Variants in MDM4 observed in about 807,000 individuals in gnomAD.
MDM4 encodes protein Mdm4.
MDM4 carries 2 observed loss-of-function variants against 60.2 expected under a neutral mutation model. The observed-to-expected ratio is 0.03, with a 90% CI of 0.01 to 0.10. The LOEUF (loss-of-function observed/expected upper bound fraction) is 0.10. Among genes scored for constraint, MDM4 ranks in the 10% least tolerant of loss-of-function variants. The pLI is 1.00. For synonymous variants in MDM4, 202 were observed against 198.1 expected, an observed-to-expected ratio of 1.02 and a Z score of -0.17; for missense variants, 447 against 577.5, an observed-to-expected ratio of 0.77 and a Z score of 2.32.
intron 9 of MDM4, among the ~76,000 whole-genome samples, 157 bp from the exon 10 acceptor site, chr1:204,546,640 C>T (rs1662690230): frequency 6.6e-6 from 1 of 152,188 alleles, no homozygotes; most frequent in African/African-American, 2.4e-5. Context: ...AGTACAGAAT[C>T]ATGTGTTTGG....
intron 1 of MDM4, among the ~76,000 whole-genome samples, chr1:204,524,381 C>A (rs1659892762): frequency 6.6e-6 from 1 of 152,168 alleles, no homozygotes; most frequent in Non-Finnish European, 1.5e-5. Flanking sequence ...ATTCTAGTCG[C>A]CATTTACCCT....
At chr1:204,549,052 T>C in intron 10 of MDM4, 61 bp from the exon 11 acceptor site, 1 of 1,037,946 alleles carries the variant, frequency 9.6e-7, no homozygotes, top group Non-Finnish European at 1.4e-6. Flanking sequence ...TGACCTCCTT[T>C]CCTTTTTCTC....
Position 204,553,407 on chromosome 1 carries a change from C to T in MDM4, c.*3725C>T, listed in dbSNP as rs1271215770. On this transcript the variant is annotated 3_prime_UTR_variant, in exon 11 of 11. Transcript: ENST00000367182. The stretch of plus-strand genomic sequence containing the variant: ...CAAATTGCTCCCATTTTTCTGCATC[C>T]CACCTGGTTTCTTTCTGCATGTCCC... 6 of 225,786 alleles carry T rather than the reference C, an allele frequency of 2.7e-5. No individual in the cohort carries two copies. The highest frequency in any genetic ancestry group is 5.3e-5 in the Non-Finnish European group (6 of 113,326). The allele number at this position is 225,786 out of a possible 1,614,324, so 14.0% of individuals were successfully genotyped here. A position where few individuals can be genotyped will look rare whatever the true frequency, so the allele number is the denominator to read the frequency against.
intron 10 of MDM4, 135 bp from the exon 11 acceptor site, chr1:204,548,978 T>G: frequency 3.2e-6 from 2 of 619,688 alleles, no homozygotes; most frequent in South Asian, 2.2e-5. Flanking sequence ...GGCTGTAGAA[T>G]TTGCTCAAAT....
In MDM4 at chr1:204,549,448, G is replaced by A. The variant is rs1662997454; in HGVS notation, c.1239G>A (p.Gln413=). ...SQETISSMGE[Q]LDNLSEQRTD... The stretch of plus-strand genomic sequence containing the variant: ...AGACCATCTCAAGCATGGGAGAACA[G>A]TTAGATAACCTTTCTGAACAGAGAA... Residue 413 remains glutamine, a synonymous_variant, in exon 11 of 11, where the codon CAG becomes CAA. Coordinates refer to ENST00000367182, the MANE Select transcript of MDM4 (RefSeq NM_002393.5). The A allele has an allele frequency of 1.2e-6, 2 of 1,612,032 alleles. No individual in the cohort carries two copies. Among genetic ancestry groups the A allele is most frequent in the Non-Finnish European group, 1.7e-6 (2 of 1,179,444 alleles).
At chr1:204,540,774 C>CA (rs1280105512) in intron 7 of MDM4, among the ~76,000 whole-genome samples, 6 of 151,592 alleles carry the variant, frequency 4.0e-5, no homozygotes, top group Middle Eastern at 6.8e-3. Context: ...AAAAAACAAA[C>CA]AAAAAAAACA....
intron 1 of MDM4, among the ~76,000 whole-genome samples, chr1:204,519,657 T>TA (rs1207187553): frequency 2.0e-5 from 3 of 151,362 alleles, no homozygotes; most frequent in African/African-American, 4.9e-5. Context: ...TGGGGAACAT[T>TA]AAAAAAACTA....
intron 3 of MDM4, among the ~76,000 whole-genome samples, chr1:204,526,717 C>G (rs1298903702): frequency 6.6e-6 from 1 of 152,116 alleles, no homozygotes; most frequent in East Asian, 1.9e-4. Context: ...TCCGCCTTGG[C>G]CTCCCAAAGT....
chr1:204,520,636 A>G (rs1659480177), intron 1 of MDM4, among the ~76,000 whole-genome samples: 1 of 152,210 alleles, frequency 6.6e-6, no homozygotes, highest in South Asian at 2.1e-4. Context: ...TGTAATCCCA[A>G]CACTTTCGTT....
chr1:204,539,513 CTTGTTTTTTTTTTTTGTTTTGTT>C (rs1260239480), intron 7 of MDM4, among the ~76,000 whole-genome samples: 4 of 146,336 alleles, frequency 2.7e-5, no homozygotes, highest in African/African-American at 5.0e-5. Context: ...AATCTGAAAA[CTTGTTTTTTTTTTTTGTTTTGTT>C]TTGTTTTTTT....
chr1:204,551,654 A>T lies in MDM4; in HGVS notation c.*1972A>T, dbSNP rs1663218551. On this transcript the variant is annotated 3_prime_UTR_variant, in exon 11 of 11. Transcript: ENST00000367182. ...CATGTATCCTTACCCCCATGGGAAA[A>T]TGTTGGTGTGTTCTCAAGGGTATGC... 4.3e-6 allele frequency: 1 copy of T among 231,084 alleles called. No homozygotes were observed. The highest frequency in any genetic ancestry group is 5.7e-5 in the Admixed American group (1 of 17,676). 14.3% of individuals were successfully genotyped at this position (231,084 alleles called of 1,614,324 possible).
At chr1:204,532,687 C>T (rs548741486) in intron 5 of MDM4, 454 of 1,450,344 alleles carry the variant, frequency 3.1e-4, no homozygotes, top group Non-Finnish European at 4.2e-4. Context: ...CACACATTGC[C>T]TTTGGTTGAT....
chr1:204,541,557 A>G (rs1662086007), intron 7 of MDM4, among the ~76,000 whole-genome samples: 1 of 152,222 alleles, frequency 6.6e-6, no homozygotes, highest in Non-Finnish European at 1.5e-5. Context: ...TGTGATGAAA[A>G]TTTGGGAATA....
In MDM4 at chr1:204,551,980, A is replaced by T. The variant is rs970969404; in HGVS notation, c.*2298A>T. The T allele has an allele frequency of 7.3e-4, 24 of 32,820 alleles. No homozygotes were observed. Among genetic ancestry groups the T allele is most frequent in the African/African-American group, 9.8e-4 (22 of 22,492 alleles). 2.0% of individuals were successfully genotyped at this position (32,820 alleles called of 1,614,324 possible). A position where few individuals can be genotyped will look rare whatever the true frequency, so the allele number is the denominator to read the frequency against. On this transcript the variant is annotated 3_prime_UTR_variant, in exon 11 of 11. Transcript: ENST00000367182. ...TAACACTAACAATAGCTGATGAGCT[A>T]AAAAAAAAAAAAAAAAAAATCGTGG...
intron 1 of MDM4, among the ~76,000 whole-genome samples, chr1:204,523,693 C>G (rs1558310908): frequency 6.6e-6 from 1 of 151,634 alleles, no homozygotes; most frequent in Non-Finnish European, 1.5e-5. Flanking sequence ...GTTGCCTAGT[C>G]TGGCCTCTGT....
chr1:204,532,835 TG>T, intron 5 of MDM4: 14 of 1,610,336 alleles, frequency 8.7e-6, no homozygotes, highest in Non-Finnish European at 1.2e-5. Context: ...CTTGTGATTT[TG>T]TTTAATGTGT....
chr1:204,549,760 A>G lies in MDM4; in HGVS notation c.*78A>G. The stretch of plus-strand genomic sequence containing the variant: ...GAAAATCAATCCTTTATTTAATTTT[A>G]TTTCCAACCTGTCAGAGAATGTTCT... On this transcript the variant is annotated 3_prime_UTR_variant, in exon 11 of 11. Transcript: ENST00000367182. The G allele has an allele frequency of 1.1e-6, 1 of 944,816 alleles. No individual in the cohort carries two copies. Among genetic ancestry groups the G allele is most frequent in the Non-Finnish European group, 1.5e-6 (1 of 647,520 alleles). 58.5% of individuals were successfully genotyped at this position (944,816 alleles called of 1,614,324 possible).
chr1:204,554,399 T>G lies in MDM4; in HGVS notation c.*4717T>G, dbSNP rs16853951. 0.013 allele frequency: 2,927 copies of G among 226,496 alleles called. 88 individuals carry two copies. The highest frequency in any genetic ancestry group is 0.059 in the African/African-American group (2,639 of 45,078). The allele number at this position is 226,496 out of a possible 1,614,324, so 14.0% of individuals were successfully genotyped here. A position where few individuals can be genotyped will look rare whatever the true frequency, so the allele number is the denominator to read the frequency against. Reference sequence around the variant, plus strand: ...CTGATGGTTCTCCCAGTCATGAGTGTGCATGTGTGCAAGCATGTTTTGATC... The same window carrying G: ...CTGATGGTTCTCCCAGTCATGAGTGGGCATGTGTGCAAGCATGTTTTGATC... On this transcript the variant is annotated 3_prime_UTR_variant, in exon 11 of 11. Coordinates refer to ENST00000367182, the MANE Select transcript of MDM4 (RefSeq NM_002393.5).
rs550908463 is a variant in MDM4 at position 204,554,733 on chromosome 1, T to G, written c.*5051T>G. 83 of 226,960 alleles carry G rather than the reference T, an allele frequency of 3.7e-4. No homozygotes were observed. Among genetic ancestry groups the G allele is most frequent in the Non-Finnish European group, 5.6e-4 (64 of 114,244 alleles). 14.1% of individuals were successfully genotyped at this position (226,960 alleles called of 1,614,324 possible). On this transcript the variant is annotated 3_prime_UTR_variant, in exon 11 of 11. Coordinates refer to ENST00000367182, the MANE Select transcript of MDM4 (RefSeq NM_002393.5). ...GGCCTAATTTGGGAACAGTTTTTCC[T>G]GATTGCTTTGAGAAGTACTTTCTTT...
Sources: allele counts gnomAD v4.1 joint callset (sites outside exome capture counted in the v4.1 genomes callset), GRCh38; gene constraint gnomAD v4.1.1; transcripts MANE v1.5; gene names NCBI Gene and HGNC (gene_info 2026-07-23, HGNC 2026-07-21).